The following CTNNA2 variants were observed in gnomAD, a reference collection of about 807,000 sequenced individuals.
The protein encoded by CTNNA2 is catenin alpha-2.
Under a neutral mutation model 101.0 loss-of-function variants are expected in CTNNA2, and 42 were observed. That is an observed-to-expected ratio of 0.42 (90% CI 0.32 to 0.54). CTNNA2 has a LOEUF of 0.54. Among genes scored for constraint, CTNNA2 ranks in the 20% least tolerant of loss-of-function variants. CTNNA2 has a pLI of 0.14. For synonymous variants in CTNNA2, 450 were observed against 456.4 expected (o/e 0.99, Z 0.18); for missense variants, 871 against 1,223.1 (o/e 0.71, Z 4.29).
At chr2:80,552,432 G>A (rs996439443) in intron 11 of CTNNA2, among the ~76,000 whole-genome samples, 10 of 152,162 alleles carry the variant, frequency 6.6e-5, no homozygotes, top group Admixed American at 2.0e-4. Context: ...ATTCTGAACC[G>A]TAGTAGCTTT....
intron 2 of CTNNA2, among the ~76,000 whole-genome samples, chr2:79,699,074 A>G (rs1318142511): frequency 6.6e-6 from 1 of 152,112 alleles, no homozygotes; most frequent in Non-Finnish European, 1.5e-5. Context: ...AGTAACTTGA[A>G]TAAATTTTGT....
At chr2:80,014,555 G>T (rs1407237092) in intron 7 of CTNNA2, among the ~76,000 whole-genome samples, 1 of 152,130 alleles carries the variant, frequency 6.6e-6, no homozygotes, top group East Asian at 1.9e-4. Context: ...ACACCAAGCT[G>T]TAAGTCACCT....
At chr2:80,530,246 A>G (rs922621054) in intron 9 of CTNNA2, among the ~76,000 whole-genome samples, 1 of 152,144 alleles carries the variant, frequency 6.6e-6, no homozygotes, top group African/African-American at 2.4e-5. Context: ...CACCCCCGGC[A>G]CTGCTCTGCC....
intron 3 of CTNNA2, among the ~76,000 whole-genome samples, chr2:79,755,582 C>T (rs911011327): frequency 2.6e-5 from 4 of 152,172 alleles, no homozygotes; most frequent in South Asian, 2.1e-4. Flanking sequence ...GAATTCCCTG[C>T]GTGGGTATGG....
intron 2 of CTNNA2, among the ~76,000 whole-genome samples, chr2:79,277,314 CT>C (rs1301781832): frequency 2.6e-5 from 4 of 152,082 alleles, no homozygotes; most frequent in Non-Finnish European, 5.9e-5. Flanking sequence ...TGGCTTGCCT[CT>C]GTGAATCCAC....
intron 7 of CTNNA2, among the ~76,000 whole-genome samples, chr2:80,109,112 T>C (rs2148857078): frequency 1.3e-5 from 2 of 152,364 alleles, no homozygotes; most frequent in South Asian, 4.1e-4. Context: ...GTTTTAGGAT[T>C]GTTCCATGAA....
intron 7 of CTNNA2, among the ~76,000 whole-genome samples, chr2:80,331,296 A>C (rs1671309796): frequency 1.3e-5 from 2 of 152,286 alleles, no homozygotes; most frequent in African/African-American, 4.8e-5. Flanking sequence ...CTGTCTCTCA[A>C]ATTCTCTTGC....
At chr2:79,217,145 A>G (rs566064538) in intron 2 of CTNNA2, among the ~76,000 whole-genome samples, 4 of 152,184 alleles carry the variant, frequency 2.6e-5, no homozygotes, top group African/African-American at 4.8e-5. Context: ...GAAGAGAGTA[A>G]GAAAAGGACG....
intron 4 of CTNNA2, among the ~76,000 whole-genome samples, chr2:79,861,781 C>T (rs1393060970): frequency 6.6e-6 from 1 of 152,162 alleles, no homozygotes; most frequent in African/African-American, 2.4e-5. Context: ...ACTTAGAGTT[C>T]TAGTGCCCAG....
At chr2:79,862,034 A>G (rs540401812) in intron 4 of CTNNA2, among the ~76,000 whole-genome samples, 1 of 152,268 alleles carries the variant, frequency 6.6e-6, no homozygotes, top group Admixed American at 6.5e-5. Context: ...ATGAAGAGGG[A>G]CATTTATATT....
intron 1 of CTNNA2, among the ~76,000 whole-genome samples, chr2:79,555,058 A>G (rs1674358486): frequency 6.6e-6 from 1 of 152,186 alleles, no homozygotes; most frequent in Admixed American, 6.6e-5. Context: ...TTTATTAGGA[A>G]TTAGGAGCAG....
At chr2:80,043,096 TCTCTC>T (rs1696241438) in intron 7 of CTNNA2, among the ~76,000 whole-genome samples, 1 of 21,500 alleles carries the variant, frequency 4.7e-5, no homozygotes, top group Non-Finnish European at 8.5e-5. Flanking sequence ...TCTTTCTTTC[TCTCTC>T]TCTCTCTCTC....
intron 9 of CTNNA2, among the ~76,000 whole-genome samples, chr2:80,498,072 A>T (rs1034440787): frequency 6.6e-6 from 1 of 152,226 alleles, no homozygotes; most frequent in African/African-American, 2.4e-5. Context: ...AAATGAATAC[A>T]ATTCCAATTT....
intron 11 of CTNNA2, among the ~76,000 whole-genome samples, chr2:80,547,897 G>C (rs1404098099): frequency 6.6e-6 from 1 of 151,786 alleles, no homozygotes; most frequent in Non-Finnish European, 1.5e-5. Context: ...TCTCCGTGTT[G>C]GTCAGGCTGG....
chr2:80,369,569 A>G (rs771091804), intron 7 of CTNNA2, among the ~76,000 whole-genome samples: 1 of 152,050 alleles, frequency 6.6e-6, no homozygotes, highest in Non-Finnish European at 1.5e-5. Context: ...ATGGCTCTCA[A>G]AGGATATCCA....
chr2:79,761,156 A>G (rs185908790), intron 3 of CTNNA2, among the ~76,000 whole-genome samples: 5 of 152,340 alleles, frequency 3.3e-5, no homozygotes, highest in African/African-American at 1.2e-4. Context: ...TGAAATGACG[A>G]TAAGCTGAAA....
At chr2:79,641,844 C>T (rs1312843852) in intron 1 of CTNNA2, among the ~76,000 whole-genome samples, 5 of 152,060 alleles carry the variant, frequency 3.3e-5, no homozygotes, top group Non-Finnish European at 1.5e-5. Flanking sequence ...TAGCATACTC[C>T]AGGAGTGGTG....
In CTNNA2 at chr2:80,374,679, G is replaced by A. The variant is rs527532814; in HGVS notation, c.1057-18532G>A. ...CACTGTCTTTCCTCTGCGTGCGTGCGTGCGTGTGTGTGTGTGTGTGTGTGT... is the reference window on the plus strand; with the variant it reads ...CACTGTCTTTCCTCTGCGTGCGTGCATGCGTGTGTGTGTGTGTGTGTGTGT... On this transcript the variant is annotated intron_variant, in intron 7 of 18. Transcript: ENST00000402739. Among the ~76,000 whole-genome samples the A allele has an allele frequency of 3.8e-3, 354 of 92,126 alleles. 1 individual carries two copies. The highest frequency in any genetic ancestry group is 0.012 in the Admixed American group (106 of 8,936). The allele number at this position is 92,126 out of a possible 152,430, so 60.4% of individuals were successfully genotyped here.
In CTNNA2 at chr2:80,619,213, C is replaced by CAGTG; in HGVS notation, c.2561_2564dup (p.Asp855GlufsTer2). On this transcript the variant is annotated frameshift_variant, in exon 18 of 19. Coordinates refer to ENST00000402739, the MANE Select transcript of CTNNA2 (RefSeq NM_001282597.3). LOFTEE classifies it high-confidence loss of function. Reference sequence around the variant, plus strand: ...AGGGAGCTCCGATCGGGAGTGGAAGCAGTGATTCCTCCATGGTGAGTAAAT... The same window carrying CAGTG: ...AGGGAGCTCCGATCGGGAGTGGAAGCAGTGAGTGATTCCTCCATGGTGAGTAAAT... The CAGTG allele has an allele frequency of 6.3e-7, 1 of 1,576,676 alleles. No homozygotes were observed. The highest frequency in any genetic ancestry group is 1.2e-5 in the South Asian group (1 of 84,794).
Sources: allele counts gnomAD v4.1 joint callset (sites outside exome capture counted in the v4.1 genomes callset), GRCh38; gene constraint gnomAD v4.1.1; transcripts MANE v1.5; gene names NCBI Gene and HGNC (gene_info 2026-07-23, HGNC 2026-07-21).